The following ZNF385D variants were observed in gnomAD, a reference collection of about 807,000 sequenced individuals.
ZNF385D encodes the protein zinc finger protein 385D.
In ZNF385D, 15 loss-of-function variants were observed where a neutral mutation model predicts 35.8. That is an observed-to-expected ratio of 0.42 (90% CI 0.28 to 0.64). ZNF385D has a LOEUF of 0.64. Ranked by LOEUF, ZNF385D falls within the 30% of genes least tolerant of loss-of-function variation. ZNF385D has a pLI of 0.23. For missense variants in ZNF385D, 474 were observed against 494.6 expected, an observed-to-expected ratio of 0.96 and a Z score of 0.39; for synonymous variants, 212 against 186.8, an observed-to-expected ratio of 1.13 and a Z score of -1.10.
chr3:21,442,813 G>A (rs1279499488), intron 4 of ZNF385D, among the ~76,000 whole-genome samples: 3 of 151,890 alleles, frequency 2.0e-5, no homozygotes, highest in Admixed American at 2.0e-4. Context: ...ATAAGTGTGT[G>A]TGCACACTTA....
At chr3:22,295,514 T>C (rs1702525506) in intron 2 of ZNF385D, among the ~76,000 whole-genome samples, 1 of 152,146 alleles carries the variant, frequency 6.6e-6, no homozygotes. Context: ...TGTAGGTGTA[T>C]GGCTCAAATA....
intron 2 of ZNF385D, among the ~76,000 whole-genome samples, chr3:22,330,199 T>C (rs1486215462): frequency 1.3e-5 from 2 of 152,218 alleles, no homozygotes; most frequent in Non-Finnish European, 1.5e-5. Flanking sequence ...ATTTTCTGCC[T>C]TTTACACTTT....
intron 5 of ZNF385D, among the ~76,000 whole-genome samples, chr3:21,436,294 A>G (rs761847903): frequency 5.9e-5 from 9 of 152,238 alleles, no homozygotes; most frequent in Admixed American, 1.3e-4. Flanking sequence ...CCTCCCTGCT[A>G]TGAGAATTAG....
intron 4 of ZNF385D, among the ~76,000 whole-genome samples, chr3:21,493,216 C>T (rs796114977): frequency 8.5e-5 from 13 of 152,142 alleles, no homozygotes; most frequent in African/African-American, 3.1e-4. Context: ...AAGTCACCAA[C>T]ATATTTTTTC....
chr3:21,946,767 G>A (rs908732492), intron 3 of ZNF385D, among the ~76,000 whole-genome samples: 1 of 152,206 alleles, frequency 6.6e-6, no homozygotes, highest in African/African-American at 2.4e-5. Flanking sequence ...AAGAGGCGGA[G>A]GTTGCAGTGA....
intron 3 of ZNF385D, among the ~76,000 whole-genome samples, chr3:21,535,949 G>C (rs2062025936): frequency 6.6e-6 from 1 of 151,134 alleles, no homozygotes; most frequent in Non-Finnish European, 1.5e-5. Flanking sequence ...GACAGAGTGG[G>C]GCTTTAACTG....
At chr3:21,471,287 TCTCTCTCTCACACACACA>T (rs1279603815) in intron 4 of ZNF385D, among the ~76,000 whole-genome samples, 4 of 22,284 alleles carry the variant, frequency 1.8e-4, no homozygotes, top group African/African-American at 3.9e-4. Context: ...TCTCTCTCTC[TCTCTCTCTCACACACACA>T]CACACACACA....
intron 3 of ZNF385D, among the ~76,000 whole-genome samples, chr3:21,812,164 A>AG (rs1194489766): frequency 6.6e-6 from 1 of 152,384 alleles, no homozygotes; most frequent in East Asian, 1.9e-4. Flanking sequence ...GATTTCCTCA[A>AG]TTAAAAAAAT....
chr3:21,893,950 G>A lies in ZNF385D; in HGVS notation c.326-228922C>T, dbSNP rs540394463. On this transcript the variant is annotated intron_variant, in intron 3 of 5. Transcript: ENST00000494108. The stretch of plus-strand genomic sequence containing the variant: ...ATAGCTCAATTTAAACATAATCATT[G>A]CCTTAGATAACTTACAAAAACAACT... Among the ~76,000 whole-genome samples the A allele has an allele frequency of 2.6e-5, 4 of 152,098 alleles. No individual in the cohort carries two copies. The East Asian group carries it at 7.7e-4, about 29-fold the overall frequency.
chr3:21,946,097 T>C (rs1701768744), intron 3 of ZNF385D, among the ~76,000 whole-genome samples: 1 of 152,194 alleles, frequency 6.6e-6, no homozygotes. Flanking sequence ...AATGTATTTA[T>C]CTATTTCTCC....
intron 3 of ZNF385D, among the ~76,000 whole-genome samples, chr3:22,151,748 G>A (rs749664490): frequency 6.6e-6 from 1 of 152,092 alleles, no homozygotes; most frequent in Non-Finnish European, 1.5e-5. Flanking sequence ...GAAACATCCA[G>A]AATAATATTT....
intron 1 of ZNF385D, among the ~76,000 whole-genome samples, chr3:21,732,020 T>C (rs1405141454): frequency 3.6e-5 from 5 of 138,426 alleles, no homozygotes; most frequent in African/African-American, 1.4e-4. Context: ...GGTTTTTTTC[T>C]TTTTTCGGGG....
chr3:21,993,651 A>T (rs867757067), intron 3 of ZNF385D, among the ~76,000 whole-genome samples: 9 of 152,252 alleles, frequency 5.9e-5, no homozygotes, highest in African/African-American at 2.2e-4. Flanking sequence ...ACTTTTTTCT[A>T]AAAGAGCTAT....
At chr3:21,627,489 A>T (rs1418352764) in intron 2 of ZNF385D, among the ~76,000 whole-genome samples, 1 of 152,026 alleles carries the variant, frequency 6.6e-6, no homozygotes. Context: ...TGCTGTGAAA[A>T]TCAGGTCTAT....
chr3:21,708,030 G>A (rs571496071), intron 1 of ZNF385D, among the ~76,000 whole-genome samples: 194 of 152,252 alleles, frequency 1.3e-3, no homozygotes, highest in Non-Finnish European at 2.4e-3. Flanking sequence ...CAATCTCTAT[G>A]TGACTCAGTT....
intron 1 of ZNF385D, among the ~76,000 whole-genome samples, chr3:21,727,774 G>C (rs934065518): frequency 6.6e-6 from 1 of 152,128 alleles, no homozygotes; most frequent in Non-Finnish European, 1.5e-5. Context: ...CAAGGATCTA[G>C]AACCAGAAAT....
chr3:21,678,662 G>A (rs745314372), intron 1 of ZNF385D, among the ~76,000 whole-genome samples: 1 of 152,064 alleles, frequency 6.6e-6, no homozygotes, highest in East Asian at 1.9e-4. Context: ...TAATCCCAAA[G>A]GAAGAACAAA....
At chr3:21,803,911 C>A (rs889918949) in intron 3 of ZNF385D, among the ~76,000 whole-genome samples, 1 of 152,164 alleles carries the variant, frequency 6.6e-6, no homozygotes, top group South Asian at 2.1e-4. Context: ...ATGTCTGTGG[C>A]GCTGTCACTT....
chr3:21,815,546 A>C (rs971436903), intron 3 of ZNF385D, among the ~76,000 whole-genome samples: 8 of 152,226 alleles, frequency 5.3e-5, no homozygotes, highest in Non-Finnish European at 7.3e-5. Flanking sequence ...AGAATACTAT[A>C]AACACCTCTC....
Sources: gnomAD v4.1 joint callset for allele counts (sites outside exome capture counted in the v4.1 genomes callset) on GRCh38, gnomAD v4.1.1 for gene constraint, MANE v1.5 for transcripts, NCBI Gene and HGNC (gene_info 2026-07-23, HGNC 2026-07-21) for gene names.